SPATA16: variants seen among roughly 807,000 people sequenced by gnomAD.
SPATA16 encodes the protein spermatogenesis-associated protein 16.
In SPATA16, 36 loss-of-function variants were observed where a neutral mutation model predicts 63.3. The observed-to-expected ratio is 0.57, with a 90% CI of 0.44 to 0.75. The LOEUF (loss-of-function observed/expected upper bound fraction) is 0.75. Among genes scored for constraint, SPATA16 ranks in the 30% least tolerant of loss-of-function variants. SPATA16 has a pLI of 0.00. For synonymous variants in SPATA16, 203 were observed against 216.7 expected, an observed-to-expected ratio of 0.94 and a Z score of 0.56; for missense variants, 646 against 679.3, an observed-to-expected ratio of 0.95 and a Z score of 0.54.
At position 173,127,529 on chromosome 3, in the gene SPATA16, T is replaced by C. The variant is rs574878282; in HGVS notation, c.-18-9780A>G. ...GGAATAGTTCTTTCTTCAGCTTTTT[T>C]CTATCTTCCTTGACATTGCCAATTT... On this transcript the variant is annotated intron_variant, in intron 1 of 10. Transcript: ENST00000351008. Among the ~76,000 whole-genome samples, 22 of 152,350 alleles carry C rather than the reference T, an allele frequency of 1.4e-4. No homozygotes were observed. The South Asian group carries it at 2.5e-3, about 17-fold the overall frequency.
At chr3:172,910,933 A>C (rs894573267) in intron 10 of SPATA16, among the ~76,000 whole-genome samples, 1 of 152,240 alleles carries the variant, frequency 6.6e-6, no homozygotes, top group African/African-American at 2.4e-5. Context: ...CTTTCGTGCC[A>C]GTTGTTAACC....
intron 2 of SPATA16, among the ~76,000 whole-genome samples, chr3:173,092,179 A>G (rs1400417417): frequency 1.3e-5 from 2 of 152,168 alleles, no homozygotes; most frequent in African/African-American, 4.8e-5. Context: ...TTTGTGACCC[A>G]GGAGTTTCTA....
At chr3:173,031,510 A>G (rs1480883153) in intron 3 of SPATA16, among the ~76,000 whole-genome samples, 2 of 152,062 alleles carry the variant, frequency 1.3e-5, no homozygotes, top group Admixed American at 6.6e-5. Flanking sequence ...TAATGTAACA[A>G]TCTGTGTTCT....
chr3:172,958,790 C>T (rs1189295846), intron 5 of SPATA16, among the ~76,000 whole-genome samples: 7 of 151,162 alleles, frequency 4.6e-5, no homozygotes, highest in South Asian at 2.1e-4. Context: ...TGTGCACGCA[C>T]GTGTGTGTGT....
In SPATA16 at chr3:173,024,845, C is replaced by A. The variant is rs1019577168; in HGVS notation, c.759-5270G>T. Reference sequence around the variant, plus strand: ...ATTTATTTTTATTATTTCTCTTATTCTTGACATATAGAAAATTTATGTTTT... The same window carrying A: ...ATTTATTTTTATTATTTCTCTTATTATTGACATATAGAAAATTTATGTTTT... On this transcript the variant is annotated intron_variant, in intron 3 of 10. Coordinates refer to ENST00000351008, the MANE Select transcript of SPATA16 (RefSeq NM_031955.6). 4.9e-4 allele frequency among the ~76,000 whole-genome samples: 74 copies of A among 150,368 alleles called. 1 individual carries two copies. Among genetic ancestry groups the A allele is most frequent in the African/African-American group, 1.8e-3 (73 of 41,382 alleles).
intron 2 of SPATA16, among the ~76,000 whole-genome samples, chr3:173,116,894 C>CT (rs1375796484): frequency 2.0e-5 from 3 of 152,124 alleles, no homozygotes; most frequent in Admixed American, 1.3e-4. Flanking sequence ...TGAGGTATGC[C>CT]TTTGGGGTTA....
intron 5 of SPATA16, among the ~76,000 whole-genome samples, chr3:172,957,315 TA>T (rs913068986): frequency 1.4e-4 from 21 of 151,600 alleles, no homozygotes; most frequent in Non-Finnish European, 2.4e-4. Flanking sequence ...CTTTTGGAAT[TA>T]AAAAAAAATC....
intron 2 of SPATA16, among the ~76,000 whole-genome samples, chr3:173,091,138 T>A (rs1737211944): frequency 6.6e-6 from 1 of 152,210 alleles, no homozygotes; most frequent in Admixed American, 6.5e-5. Flanking sequence ...TTCTTTTTTC[T>A]TCTGACCTAG....
rs11326294 is a variant in SPATA16, at chr3:173,059,339, C to CT, written c.613-10246dup. ...GTTTTCTTAGTTCTTTTACTAATGT[C>CT]TTTTTTTTTGGTTATTTTTTTTTCT... On this transcript the variant is annotated intron_variant, in intron 2 of 10. Coordinates refer to ENST00000351008, the MANE Select transcript of SPATA16 (RefSeq NM_031955.6). Among the ~76,000 whole-genome samples the CT allele has an allele frequency of 1.3e-4, 19 of 145,682 alleles. No homozygotes were observed. The South Asian group carries it at 1.9e-3, about 15-fold the overall frequency.
At chr3:172,925,517 A>G in intron 6 of SPATA16, 25 bp from the exon 7 acceptor site, 1 of 1,613,810 alleles carries the variant, frequency 6.2e-7, no homozygotes, top group Non-Finnish European at 8.5e-7. Flanking sequence ...AAAGAGAACT[A>G]AGAGGCTTTG....
chr3:173,082,489 C>T (rs1021092071), intron 2 of SPATA16, among the ~76,000 whole-genome samples: 1 of 152,184 alleles, frequency 6.6e-6, no homozygotes, highest in Non-Finnish European at 1.5e-5. Flanking sequence ...CAACCCAGAC[C>T]AAGCATTTAA....
intron 2 of SPATA16, among the ~76,000 whole-genome samples, chr3:173,108,409 C>T (rs1189596741): frequency 6.6e-6 from 1 of 152,048 alleles, no homozygotes; most frequent in Non-Finnish European, 1.5e-5. Context: ...TTAAAAGTCA[C>T]ATATGGGTTA....
At chr3:173,089,561 G>A (rs549935714) in intron 2 of SPATA16, among the ~76,000 whole-genome samples, 5 of 152,288 alleles carry the variant, frequency 3.3e-5, no homozygotes, top group Admixed American at 6.5e-5. Context: ...GCGGGAAAAT[G>A]AACCAGAGGA....
chr3:173,010,877 C>T (rs899431511), intron 4 of SPATA16, among the ~76,000 whole-genome samples: 11 of 152,054 alleles, frequency 7.2e-5, no homozygotes, highest in Non-Finnish European at 1.3e-4. Flanking sequence ...CAGCCAGCAC[C>T]TGAATCCTCG....
intron 10 of SPATA16, among the ~76,000 whole-genome samples, chr3:172,912,197 T>C (rs1410135010): frequency 6.6e-6 from 1 of 152,220 alleles, no homozygotes; most frequent in Non-Finnish European, 1.5e-5. Context: ...AAATGCTGTA[T>C]AAATATCATT....
At chr3:173,076,769 T>C (rs1736815572) in intron 2 of SPATA16, among the ~76,000 whole-genome samples, 1 of 152,158 alleles carries the variant, frequency 6.6e-6, no homozygotes, top group African/African-American at 2.4e-5. Flanking sequence ...AATGTCAGTA[T>C]GTTTTTGCAT....
intron 3 of SPATA16, among the ~76,000 whole-genome samples, chr3:173,040,517 A>G (rs957016977): frequency 2.0e-5 from 3 of 152,182 alleles, no homozygotes; most frequent in South Asian, 4.1e-4. Flanking sequence ...CAAATCACAC[A>G]TGAGGAAAGC....
intron 10 of SPATA16, 135 bp from the exon 11 acceptor site, chr3:172,889,827 TG>T: frequency 8.0e-7 from 1 of 1,244,358 alleles, no homozygotes; most frequent in Non-Finnish European, 1.1e-6. Context: ...GAAACAGAAA[TG>T]ATTACACATA....
chr3:173,140,004 A>G (rs963423227), intron 1 of SPATA16, among the ~76,000 whole-genome samples: 1 of 151,914 alleles, frequency 6.6e-6, no homozygotes, highest in Non-Finnish European at 1.5e-5. Context: ...AAACAAACAA[A>G]CAAACAAACA....
Sources: allele counts gnomAD v4.1 joint callset (sites outside exome capture counted in the v4.1 genomes callset), GRCh38; gene constraint gnomAD v4.1.1; transcripts MANE v1.5; gene names NCBI Gene and HGNC (gene_info 2026-07-23, HGNC 2026-07-21).